The following ZNF438 variants were observed in gnomAD, a reference collection of about 807,000 sequenced individuals.
ZNF438 encodes zinc finger protein 438.
Under a neutral mutation model 38.0 loss-of-function variants are expected in ZNF438, and 25 were observed. The observed-to-expected ratio is 0.66, with a 90% CI of 0.48 to 0.92. ZNF438 has a LOEUF of 0.92. ZNF438 is among the 40% of genes least tolerant of loss of function. ZNF438 has a pLI of 0.00. For synonymous variants in ZNF438, 372 were observed against 364.1 expected, an observed-to-expected ratio of 1.02 and a Z score of -0.25; for missense variants, 1,007 against 999.6, an observed-to-expected ratio of 1.01 and a Z score of -0.10.
At chr10:30,975,623 T>A (rs931130057) in intron 1 of ZNF438, among the ~76,000 whole-genome samples, 1 of 152,194 alleles carries the variant, frequency 6.6e-6, no homozygotes, top group Non-Finnish European at 1.5e-5. Flanking sequence ...TAATTTCACA[T>A]CTGACTATTT....
chr10:30,987,683 C>T (rs1440692361), intron 1 of ZNF438, among the ~76,000 whole-genome samples: 2 of 148,858 alleles, frequency 1.3e-5, no homozygotes, highest in African/African-American at 2.5e-5. Context: ...TCTCTCTCTC[C>T]CCACCCACCA....
At chr10:30,856,052 G>GT (rs1254068397) in intron 4 of ZNF438, among the ~76,000 whole-genome samples, 8 of 152,218 alleles carry the variant, frequency 5.3e-5, no homozygotes, top group Non-Finnish European at 1.2e-4. Context: ...TTAAAAAGCA[G>GT]TATCTTTTGG....
intron 1 of ZNF438, among the ~76,000 whole-genome samples, chr10:31,001,575 A>C (rs1487468247): frequency 2.0e-5 from 3 of 152,182 alleles, no homozygotes; most frequent in Non-Finnish European, 4.4e-5. Flanking sequence ...AAGAAATAAA[A>C]GTTTGTTACC....
chr10:30,874,033 C>T (rs1383118327), intron 4 of ZNF438, among the ~76,000 whole-genome samples: 1 of 150,392 alleles, frequency 6.6e-6, no homozygotes, highest in East Asian at 1.9e-4. Flanking sequence ...GCAAACTTCT[C>T]ATGTCACACA....
chr10:30,921,857 T>C (rs898481152), intron 2 of ZNF438, among the ~76,000 whole-genome samples: 1 of 152,068 alleles, frequency 6.6e-6, no homozygotes, highest in African/African-American at 2.4e-5. Context: ...TTTCTGAGAG[T>C]GTACTGGCAG....
chr10:31,017,840 C>A (rs1464117836), intron 1 of ZNF438, among the ~76,000 whole-genome samples: 1 of 152,206 alleles, frequency 6.6e-6, no homozygotes, highest in East Asian at 1.9e-4. Flanking sequence ...GTAACACGTA[C>A]CACTTCCAAG....
intron 1 of ZNF438, among the ~76,000 whole-genome samples, chr10:30,943,179 A>G (rs1191349197): frequency 6.6e-6 from 1 of 152,214 alleles, no homozygotes; most frequent in Non-Finnish European, 1.5e-5. Flanking sequence ...AAATAATGGA[A>G]CAAATTCAAG....
In ZNF438 at chr10:30,896,310, AAAAAAC is replaced by A. The variant is rs2041343069; in HGVS notation, c.-32+12617_-32+12622del. The stretch of plus-strand genomic sequence containing the variant: ...GACTCCATCTCAAAAAAAAAAAAAA[AAAAAAC>A]AAAAAACTGAAAGCAAGATCTCAAA... On this transcript the variant is annotated intron_variant, in intron 3 of 5. Coordinates refer to ENST00000413025, the Ensembl canonical transcript of ZNF438. Among the ~76,000 whole-genome samples the A allele has an allele frequency of 2.7e-5, 4 of 147,700 alleles. No homozygotes were observed. The South Asian group carries it at 8.5e-4, about 31-fold the overall frequency.
chr10:31,018,274 C>T (rs1039706681), intron 1 of ZNF438, among the ~76,000 whole-genome samples: 1 of 152,224 alleles, frequency 6.6e-6, no homozygotes, highest in Admixed American at 6.5e-5. Context: ...CCTCCTTTAG[C>T]TGTATATTAT....
At chr10:30,899,767 C>A (rs994395058) in intron 3 of ZNF438, among the ~76,000 whole-genome samples, 3 of 151,874 alleles carry the variant, frequency 2.0e-5, no homozygotes, top group Non-Finnish European at 4.4e-5. Context: ...TATATACTTA[C>A]ACAATCTACT....
intron 3 of ZNF438, among the ~76,000 whole-genome samples, chr10:30,891,146 GA>G (rs772453719): frequency 1.3e-5 from 2 of 152,108 alleles, no homozygotes; most frequent in African/African-American, 2.4e-5. Context: ...CTCTTAATCA[GA>G]AAATTTGTGC....
chr10:31,015,810 C>G (rs1025735390), intron 1 of ZNF438, among the ~76,000 whole-genome samples: 2 of 152,222 alleles, frequency 1.3e-5, no homozygotes. Context: ...TTGTCAAGTT[C>G]TGATGAGGAC....
At chr10:30,869,053 C>G (rs758927274) in intron 4 of ZNF438, among the ~76,000 whole-genome samples, 7 of 152,200 alleles carry the variant, frequency 4.6e-5, no homozygotes, top group Non-Finnish European at 1.0e-4. Context: ...TATCCGATTA[C>G]CAGCCTGTTT....
chr10:30,859,962 A>G (rs1035598587), intron 4 of ZNF438, among the ~76,000 whole-genome samples: 8 of 152,206 alleles, frequency 5.3e-5, no homozygotes, highest in African/African-American at 1.9e-4. Context: ...TGAAGACCTC[A>G]GAAGCAAAAA....
intron 4 of ZNF438, among the ~76,000 whole-genome samples, chr10:30,853,751 C>T (rs1037544947): frequency 3.3e-5 from 5 of 152,192 alleles, no homozygotes; most frequent in African/African-American, 9.7e-5. Context: ...AATCCCAGCA[C>T]TTTGGGAGGC....
At chr10:30,914,041 A>G in intron 2 of ZNF438, among the ~76,000 whole-genome samples, 1 of 152,154 alleles carries the variant, frequency 6.6e-6, no homozygotes, top group Non-Finnish European at 1.5e-5. Context: ...ATTGCTTCAC[A>G]TTTTATGTGT....
chr10:31,005,761 TA>T (rs998368344), intron 1 of ZNF438, among the ~76,000 whole-genome samples: 4 of 152,104 alleles, frequency 2.6e-5, no homozygotes, highest in Admixed American at 2.0e-4. Flanking sequence ...ATATATACAA[TA>T]AAAAAATAGG....
chr10:31,009,736 C>G (rs1564843136), intron 1 of ZNF438, among the ~76,000 whole-genome samples: 2 of 152,088 alleles, frequency 1.3e-5, no homozygotes, highest in Non-Finnish European at 2.9e-5. Context: ...CACAAGATAC[C>G]CTATTTTTTT....
Position 30,861,502 on chromosome 10 carries a change from G to C in ZNF438, c.38-11135C>G, listed in dbSNP as rs368352135. Among the ~76,000 whole-genome samples, 55 of 152,052 alleles carry C rather than the reference G, an allele frequency of 3.6e-4. 1 individual carries two copies. The South Asian group carries it at 0.011, about 30-fold the overall frequency. ...TAAAAGCCAATTACCTAGAATACTA[G>C]TGGCAATTAAAAAAAATAACACAAT... is the stretch of plus-strand genomic sequence containing the variant. On this transcript the variant is annotated intron_variant, in intron 4 of 5. Coordinates refer to ENST00000413025, the Ensembl canonical transcript of ZNF438.
Sources: gnomAD v4.1 joint callset for allele counts (sites outside exome capture counted in the v4.1 genomes callset) on GRCh38, gnomAD v4.1.1 for gene constraint, MANE v1.5 for transcripts, NCBI Gene and HGNC (gene_info 2026-07-23, HGNC 2026-07-21) for gene names.